Variants in DIAPH3 observed in about 807,000 individuals in gnomAD.
The protein encoded by DIAPH3 is diaphanous related formin 3.
Under a neutral mutation model 144.3 loss-of-function variants are expected in DIAPH3, and 117 were observed. The observed-to-expected ratio is 0.81, with a 90% CI of 0.70 to 0.95. The LOEUF (loss-of-function observed/expected upper bound fraction) is 0.95. Ranked by LOEUF, DIAPH3 falls within the 40% of genes least tolerant of loss-of-function variation. The pLI is 0.00. For synonymous variants in DIAPH3, 519 were observed against 488.9 expected (o/e 1.06, Z -0.81); for missense variants, 1,421 against 1,412.7 (o/e 1.01, Z -0.09).
intron 2 of DIAPH3, among the ~76,000 whole-genome samples, chr13:60,131,078 G>C (rs2059126010): frequency 6.6e-6 from 1 of 152,080 alleles, no homozygotes. Context: ...AAAATGCAAT[G>C]TCCATAAAAT....
intron 5 of DIAPH3, among the ~76,000 whole-genome samples, chr13:60,024,802 T>C (rs536497797): frequency 6.6e-6 from 1 of 152,274 alleles, no homozygotes; most frequent in East Asian, 1.9e-4. Flanking sequence ...TACTGCAAGG[T>C]GGAAACAGAA....
At chr13:60,074,857 T>C (rs973911852) in intron 4 of DIAPH3, among the ~76,000 whole-genome samples, 5 of 152,202 alleles carry the variant, frequency 3.3e-5, no homozygotes, top group Non-Finnish European at 5.9e-5. Context: ...TGCATGACTG[T>C]ACTATAAATT....
chr13:59,959,487 G>A (rs561577075), intron 17 of DIAPH3, among the ~76,000 whole-genome samples: 22 of 152,286 alleles, frequency 1.4e-4, no homozygotes, highest in Non-Finnish European at 1.6e-4. Flanking sequence ...GGATTACCCA[G>A]GTGGGCCCAA....
intron 17 of DIAPH3, among the ~76,000 whole-genome samples, chr13:59,934,752 G>A (rs1426913227): frequency 6.6e-6 from 1 of 152,166 alleles, no homozygotes; most frequent in East Asian, 1.9e-4. Context: ...TTGGCTATGA[G>A]CAGACCTGAG....
chr13:60,049,050 T>G (rs534984480), intron 4 of DIAPH3, among the ~76,000 whole-genome samples: 1 of 152,202 alleles, frequency 6.6e-6, no homozygotes, highest in Non-Finnish European at 1.5e-5. Context: ...CAACAAATTA[T>G]AGTATAACCA....
At chr13:60,112,440 G>T (rs1778642364) in intron 2 of DIAPH3, among the ~76,000 whole-genome samples, 1 of 152,148 alleles carries the variant, frequency 6.6e-6, no homozygotes. Context: ...ACCACACATA[G>T]ATTTGAGCTT....
intron 4 of DIAPH3, among the ~76,000 whole-genome samples, chr13:60,074,993 A>T (rs191093673): frequency 6.6e-6 from 1 of 152,168 alleles, no homozygotes; most frequent in Non-Finnish European, 1.5e-5. Flanking sequence ...AATAGGTTCA[A>T]AATAGTGGAA....
chr13:60,107,655 T>A lies in DIAPH3; in HGVS notation c.390+4355A>T, dbSNP rs544309347. ...CAAACATACGCTTAAGAGATGACGA[T>A]GGCATTTTATAAATGTGCTTTCTCC... is the stretch of plus-strand genomic sequence containing the variant. On this transcript the variant is annotated intron_variant, in intron 3 of 27. Transcript: ENST00000400324. Among the ~76,000 whole-genome samples, 4 of 152,298 alleles carry A rather than the reference T, an allele frequency of 2.6e-5. No homozygotes were observed. In the South Asian group the frequency reaches 6.2e-4, roughly 24 times the overall value.
intron 9 of DIAPH3, among the ~76,000 whole-genome samples, chr13:59,999,762 A>G (rs75192397): frequency 0.032 from 4,842 of 152,138 alleles, 270 homozygotes; most frequent in African/African-American, 0.11. Context: ...TCCTTCACCT[A>G]GAGTCAGATC....
rs542662146 is a variant in DIAPH3, at chr13:60,013,317, C to T, written c.771+2596G>A. 19 of 633,546 alleles carry T rather than the reference C, an allele frequency of 3.0e-5. No homozygotes were observed. The South Asian group carries it at 3.5e-4, about 12-fold the overall frequency. The allele number at this position is 633,546 out of a possible 1,614,324, so 39.2% of individuals were successfully genotyped here. ...TAATGCTCTAAATCCTCGTGTAGGA[C>T]GCCCAACATCTGGACGCACACAGCA... On this transcript the variant is annotated intron_variant, in intron 7 of 27. Coordinates refer to ENST00000400324, the MANE Select transcript of DIAPH3 (RefSeq NM_001042517.2).
At chr13:59,925,438 C>G (rs1301341231) in intron 17 of DIAPH3, among the ~76,000 whole-genome samples, 1 of 152,072 alleles carries the variant, frequency 6.6e-6, no homozygotes, top group Admixed American at 6.6e-5. Context: ...TCGTGATGTA[C>G]TATTGGATTT....
chr13:59,705,799 G>C (rs912360025), intron 27 of DIAPH3, among the ~76,000 whole-genome samples: 2 of 152,134 alleles, frequency 1.3e-5, no homozygotes, highest in African/African-American at 4.8e-5. Context: ...AATTGTTATG[G>C]TAAATGAGAT....
intron 27 of DIAPH3, among the ~76,000 whole-genome samples, chr13:59,733,434 T>G (rs974432428): frequency 6.6e-6 from 1 of 152,162 alleles, no homozygotes; most frequent in Non-Finnish European, 1.5e-5. Flanking sequence ...AAAACTAGTG[T>G]GTAACTTGTG....
intron 27 of DIAPH3, among the ~76,000 whole-genome samples, chr13:59,766,482 T>C (rs905973481): frequency 6.6e-6 from 1 of 152,164 alleles, no homozygotes; most frequent in East Asian, 1.9e-4. Context: ...TGTTATCAGA[T>C]GGGAGCTCAG....
At chr13:59,702,943 G>A (rs2034194111) in intron 27 of DIAPH3, among the ~76,000 whole-genome samples, 1 of 152,106 alleles carries the variant, frequency 6.6e-6, no homozygotes, top group Non-Finnish European at 1.5e-5. Context: ...ACACTACCCT[G>A]TGGGGAAGCC....
intron 4 of DIAPH3, among the ~76,000 whole-genome samples, chr13:60,049,402 A>G (rs1164050921): frequency 6.6e-6 from 1 of 152,188 alleles, no homozygotes; most frequent in Non-Finnish European, 1.5e-5. Flanking sequence ...GCCATATTGA[A>G]CTGTCCAACT....
At chr13:60,010,377 T>G (rs1013096743) in intron 8 of DIAPH3, among the ~76,000 whole-genome samples, 156 bp downstream of exon 8, 14 of 152,150 alleles carry the variant, frequency 9.2e-5, no homozygotes, top group African/African-American at 3.4e-4. Flanking sequence ...ACTCAAAAAT[T>G]TCCAGCCAAT....
intron 17 of DIAPH3, among the ~76,000 whole-genome samples, chr13:59,938,528 G>T (rs2048366602): frequency 6.6e-6 from 1 of 151,934 alleles, no homozygotes; most frequent in Non-Finnish European, 1.5e-5. Flanking sequence ...AGGATCACTT[G>T]TGCCCAGGAG....
chr13:60,063,651 G>C (rs1373741144), intron 4 of DIAPH3, among the ~76,000 whole-genome samples: 1 of 152,118 alleles, frequency 6.6e-6, no homozygotes, highest in Non-Finnish European at 1.5e-5. Context: ...TCCTGGCCAG[G>C]CACAGTGGCT....
Sources: gnomAD v4.1 joint callset for allele counts (sites outside exome capture counted in the v4.1 genomes callset) on GRCh38, gnomAD v4.1.1 for gene constraint, MANE v1.5 for transcripts, NCBI Gene and HGNC (gene_info 2026-07-23, HGNC 2026-07-21) for gene names.